The following POMT2 variants were observed in gnomAD, a reference collection of about 807,000 sequenced individuals.
The protein encoded by POMT2 is protein O-mannosyl-transferase 2.
A neutral mutation model predicts 100.0 loss-of-function variants in POMT2; 75 were observed. The observed-to-expected ratio is 0.75, with a 90% CI of 0.62 to 0.91. The LOEUF is 0.91. POMT2 is among the 40% of genes least tolerant of loss of function. The probability of loss-of-function intolerance (pLI) is 0.00; values close to 1 mark genes in which losing one functional copy is unlikely to be tolerated. For missense variants in POMT2, 940 were observed against 955.1 expected (o/e 0.98, Z 0.21); for synonymous variants, 378 against 374.1 (o/e 1.01, Z -0.12).
intron 16 of POMT2, 95 bp from the exon 17 acceptor site, chr14:77,280,175 A>G (rs1890161667): frequency 6.2e-7 from 1 of 1,603,342 alleles, no homozygotes; most frequent in African/African-American, 1.3e-5. Context: ...ACAGACAGGG[A>G]GCCTGGACAC....
At position 77,295,389 on chromosome 14, in the gene POMT2, T is replaced by C. The variant is rs1480035333; in HGVS notation, c.1116+775A>G. On this transcript the variant is annotated intron_variant, in intron 9 of 20. Coordinates refer to ENST00000261534, the MANE Select transcript of POMT2 (RefSeq NM_013382.7). Reference sequence around the variant, plus strand: ...GGCTCATGCCTGTAATCCCAGCACTTTGGGAGGCCGAGGCAGGTGGATCAT... The same window carrying C: ...GGCTCATGCCTGTAATCCCAGCACTCTGGGAGGCCGAGGCAGGTGGATCAT... Among the ~76,000 whole-genome samples, 3 of 151,962 alleles carry C rather than the reference T, an allele frequency of 2.0e-5. No homozygotes were observed. The East Asian group carries it at 5.8e-4, about 29-fold the overall frequency.
intron 15 of POMT2, among the ~76,000 whole-genome samples, chr14:77,281,408 A>C (rs1420333513): frequency 6.6e-6 from 1 of 152,196 alleles, no homozygotes; most frequent in African/African-American, 2.4e-5. Context: ...CATTTCATCT[A>C]TTGGGAGAGA....
In POMT2 at chr14:77,299,549, T is replaced by C. The variant is rs886042829; in HGVS notation, c.829A>G (p.Lys277Glu). Residue 277 changes from lysine to glutamate, a missense_variant, in exon 7 of 21, where the codon AAA (lysine) becomes GAA (glutamate). Lys to Glu is a moderately conservative substitution (Grantham distance 56). Coordinates refer to ENST00000261534, the MANE Select transcript of POMT2 (RefSeq NM_013382.7). ...CACAGGACACGAGCAGTCAGGTGTT[T>C]TCCCACAGTCACCTGCAAACAGAGG... ...DLSLSLVTVGKHLTARVLCLI... is the reference protein window; with the variant it reads ...DLSLSLVTVGEHLTARVLCLI... 16 of 1,614,000 alleles carry C rather than the reference T, an allele frequency of 9.9e-6. No individual in the cohort carries two copies. The highest frequency in any genetic ancestry group is 1.4e-5 in the Non-Finnish European group (16 of 1,179,992).
At chr14:77,288,288 A>G (rs1462298191) in intron 11 of POMT2, among the ~76,000 whole-genome samples, 1 of 152,138 alleles carries the variant, frequency 6.6e-6, no homozygotes, top group Admixed American at 6.5e-5. Context: ...ATTTTTAGTC[A>G]TTTTCAGTGA....
At chr14:77,317,191 A>G (rs895012612) in intron 1 of POMT2, among the ~76,000 whole-genome samples, 2 of 152,266 alleles carry the variant, frequency 1.3e-5, no homozygotes, top group Non-Finnish European at 2.9e-5. Flanking sequence ...CTTGTCTTGC[A>G]GTAAAGGAAG....
chr14:77,282,854 C>T (rs1890281724), intron 15 of POMT2, among the ~76,000 whole-genome samples: 1 of 152,228 alleles, frequency 6.6e-6, no homozygotes, highest in Non-Finnish European at 1.5e-5. Flanking sequence ...ACAAGTGCTA[C>T]ACCTCCCTGC....
chr14:77,296,390 C>T, intron 8 of POMT2, 117 bp from the exon 9 acceptor site: 1 of 720,398 alleles, frequency 1.4e-6, no homozygotes, highest in Non-Finnish European at 2.4e-6. Context: ...CTCCCCTGGG[C>T]CCTGGACTGA....
chr14:77,300,691 G>T (rs1890999099), intron 6 of POMT2: 1 of 270,240 alleles, frequency 3.7e-6, no homozygotes, highest in Non-Finnish European at 7.2e-6. Flanking sequence ...ATGGTGGTAT[G>T]TGCCTGTAAT....
At chr14:77,300,441 G>A (rs1323967068) in intron 6 of POMT2, 3 of 155,696 alleles carry the variant, frequency 1.9e-5, no homozygotes, top group Admixed American at 1.9e-4. Flanking sequence ...ATAGTGCCTG[G>A]CATAGAATCA....
chr14:77,278,775 G>A lies in POMT2; in HGVS notation c.1986C>T (p.Tyr662=), dbSNP rs368529489. ...FPFFLMGRVL[Y]FHHYFPAMLF... is the part of the protein sequence containing the mutation. ...GCATGGCTGGGAAGTAGTGGTGGAA[G>A]TAGAGGACCCGGCCCATCAGGAAAA... Residue 662 remains tyrosine, a synonymous_variant, in exon 19 of 21, where the codon TAC becomes TAT. Coordinates refer to ENST00000261534, the MANE Select transcript of POMT2 (RefSeq NM_013382.7). 3.1e-6 allele frequency: 5 copies of A among 1,613,978 alleles called. No individual in the cohort carries two copies. In the East Asian group the frequency reaches 1.1e-4, roughly 36 times the overall value.
At chr14:77,290,505 A>G (rs949445920) in intron 10 of POMT2, among the ~76,000 whole-genome samples, 12 of 152,198 alleles carry the variant, frequency 7.9e-5, no homozygotes, top group African/African-American at 2.9e-4. Flanking sequence ...GGAGCAGCTG[A>G]GCTGGGATAG....
At position 77,320,849 on chromosome 14, in the gene POMT2, CGCGGCCCGGGCCGCTAGGAG is replaced by C; in HGVS notation, c.-188_-169del. On this transcript the variant is annotated 5_prime_UTR_variant, in exon 1 of 21. Transcript: ENST00000261534. ...CTCGGGGCGGGGCGGGCAGCGTGGT[CGCGGCCCGGGCCGCTAGGAG>C]GCGGCAGGAGGCGCAGAGCATGTCG... The C allele has an allele frequency of 1.5e-6, 2 of 1,320,654 alleles. No homozygotes were observed. The highest frequency in any genetic ancestry group is 1.9e-6 in the Non-Finnish European group (2 of 1,030,162). 81.8% of individuals were successfully genotyped at this position (1,320,654 alleles called of 1,614,324 possible).
At position 77,308,646 on chromosome 14, in the gene POMT2, G is replaced by A. The variant is rs552302983; in HGVS notation, c.334-2205C>T. ...GCTGGGATTACAGGCGTGAGCCACC[G>A]CGCCCGGCCAACAAAGTTTTTAAAG... On this transcript the variant is annotated intron_variant, in intron 2 of 20. Coordinates refer to ENST00000261534, the MANE Select transcript of POMT2 (RefSeq NM_013382.7). 79 of 360,494 alleles carry A rather than the reference G, an allele frequency of 2.2e-4. 2 individuals are homozygous for A. The East Asian group carries it at 2.5e-3, about 11-fold the overall frequency. 22.3% of individuals were successfully genotyped at this position (360,494 alleles called of 1,614,324 possible). A position where few individuals can be genotyped will look rare whatever the true frequency, so the allele number is the denominator to read the frequency against.
intron 12 of POMT2, 145 bp from the exon 13 acceptor site, chr14:77,285,777 T>C (rs757241791): frequency 5.0e-6 from 5 of 1,001,596 alleles, no homozygotes; most frequent in Non-Finnish European, 7.8e-6. Context: ...TGGGCAAGGT[T>C]ACAAGAAGGC....
intron 1 of POMT2, chr14:77,320,209 T>C: frequency 1.4e-6 from 1 of 710,004 alleles, no homozygotes; most frequent in Non-Finnish European, 2.4e-6. Flanking sequence ...ACATGAGGGC[T>C]GCTTCCTCAG....
chr14:77,305,384 T>A (rs1459396790), intron 3 of POMT2, among the ~76,000 whole-genome samples: 2 of 152,160 alleles, frequency 1.3e-5, no homozygotes, highest in African/African-American at 2.4e-5. Context: ...CCCTCTTCCA[T>A]CCCCTACCTG....
intron 7 of POMT2, among the ~76,000 whole-genome samples, chr14:77,299,163 T>C (rs991538514): frequency 1.3e-5 from 2 of 152,240 alleles, no homozygotes; most frequent in African/African-American, 2.4e-5. Flanking sequence ...TCACTCCTAC[T>C]GCACATCTTA....
At chr14:77,299,322 G>GA (rs1890937445) in intron 7 of POMT2, 133 bp downstream of exon 7, 1 of 789,416 alleles carries the variant, frequency 1.3e-6, no homozygotes, top group Non-Finnish European at 2.2e-6. Context: ...TAGCAGGAAA[G>GA]AAACAGGAAA....
At chr14:77,302,755 C>T (rs558955876) in intron 5 of POMT2, 80 bp downstream of exon 5, 36 of 1,200,402 alleles carry the variant, frequency 3.0e-5, no homozygotes, top group African/African-American at 2.7e-4. Flanking sequence ...TCTGGGCACC[C>T]GCCCTGGCCC....
Sources: gnomAD v4.1 joint callset for allele counts (sites outside exome capture counted in the v4.1 genomes callset) on GRCh38, gnomAD v4.1.1 for gene constraint, MANE v1.5 for transcripts, NCBI Gene and HGNC (gene_info 2026-07-23, HGNC 2026-07-21) for gene names.